The following SKAP1 variants were observed in gnomAD, a reference collection of about 807,000 sequenced individuals.
SKAP1 encodes the protein src kinase-associated phosphoprotein 1.
Under a neutral mutation model 58.5 loss-of-function variants are expected in SKAP1, and 44 were observed. The observed-to-expected ratio is 0.75, with a 90% CI of 0.59 to 0.97. The LOEUF (loss-of-function observed/expected upper bound fraction) is 0.97. SKAP1 is among the 50% of genes least tolerant of loss of function. The pLI, the probability that SKAP1 is intolerant of heterozygous loss-of-function variation, is 0.00. For missense variants in SKAP1, 390 were observed against 435.2 expected (o/e 0.90, Z 0.92); for synonymous variants, 127 against 149.7 (o/e 0.85, Z 1.11).
At chr17:48,256,066 T>A (rs1469378037) in intron 4 of SKAP1, among the ~76,000 whole-genome samples, 1 of 152,084 alleles carries the variant, frequency 6.6e-6, no homozygotes, top group East Asian at 1.9e-4. Flanking sequence ...AATAAGGTTA[T>A]AAAATAGCCA....
intron 11 of SKAP1, among the ~76,000 whole-genome samples, chr17:48,138,260 A>G (rs2063724909): frequency 6.6e-6 from 1 of 151,452 alleles, no homozygotes; most frequent in Non-Finnish European, 1.5e-5. Flanking sequence ...GCTGGAGTGC[A>G]GTGGCAAGAT....
intron 11 of SKAP1, among the ~76,000 whole-genome samples, chr17:48,158,599 A>T (rs989595925): frequency 1.5e-5 from 2 of 135,160 alleles, no homozygotes; most frequent in African/African-American, 2.6e-5. Flanking sequence ...AAAGAAAAAA[A>T]AAGATTCTCC....
chr17:48,188,354 T>C (rs1315372549), intron 5 of SKAP1, among the ~76,000 whole-genome samples: 1 of 152,206 alleles, frequency 6.6e-6, no homozygotes, highest in Non-Finnish European at 1.5e-5. Flanking sequence ...ATGCCAACTC[T>C]AGTGGTACCT....
chr17:48,146,717 C>T (rs1196221156), intron 11 of SKAP1, among the ~76,000 whole-genome samples: 1 of 151,944 alleles, frequency 6.6e-6, no homozygotes, highest in African/African-American at 2.4e-5. Flanking sequence ...CAACCTCTGC[C>T]TCCCGGGTTC....
In SKAP1 at chr17:48,296,305, A is replaced by G. The variant is rs374017740; in HGVS notation, c.280+49600T>C. Among the ~76,000 whole-genome samples the G allele has an allele frequency of 3.0e-4, 45 of 152,340 alleles. 2 individuals carry two copies. The South Asian group carries it at 9.3e-3, about 32-fold the overall frequency. On this transcript the variant is annotated intron_variant, in intron 4 of 12. Transcript: ENST00000336915. ...CTTCGGATGCTTATTAAATCTATGC[A>G]TGACTGCGCTGGAGAAAATTAATTG...
chr17:48,340,008 CT>C (rs2066628185), intron 4 of SKAP1, among the ~76,000 whole-genome samples: 2 of 152,106 alleles, frequency 1.3e-5, no homozygotes, highest in South Asian at 4.2e-4. Flanking sequence ...TGATGAAACC[CT>C]GTCTTTACTG....
At chr17:48,236,369 A>G (rs1213160775) in intron 4 of SKAP1, among the ~76,000 whole-genome samples, 2 of 152,132 alleles carry the variant, frequency 1.3e-5, no homozygotes, top group Non-Finnish European at 2.9e-5. Context: ...AGAGAGGGTA[A>G]TTGTTTCCAA....
At chr17:48,366,981 T>G (rs1386150475) in intron 2 of SKAP1, among the ~76,000 whole-genome samples, 5 of 152,182 alleles carry the variant, frequency 3.3e-5, no homozygotes, top group Non-Finnish European at 7.3e-5. Flanking sequence ...AAAGGTGCTC[T>G]AGGTAAATTG....
intron 7 of SKAP1, among the ~76,000 whole-genome samples, chr17:48,184,152 GTA>G (rs2064410930): frequency 6.6e-6 from 1 of 152,136 alleles, no homozygotes; most frequent in African/African-American, 2.4e-5. Flanking sequence ...ACTGAGCACA[GTA>G]CGGAATAAGT....
intron 10 of SKAP1, among the ~76,000 whole-genome samples, chr17:48,164,060 T>C (rs1216427536): frequency 6.6e-6 from 1 of 152,236 alleles, no homozygotes; most frequent in Non-Finnish European, 1.5e-5. Flanking sequence ...ACAGAGTTGA[T>C]AATATGTTTG....
chr17:48,380,864 TAC>T (rs1167414397), intron 2 of SKAP1, among the ~76,000 whole-genome samples: 6 of 152,232 alleles, frequency 3.9e-5, no homozygotes, highest in African/African-American at 9.6e-5. Flanking sequence ...AATTTGTGAA[TAC>T]AGTCTTTAAT....
chr17:48,284,713 A>G (rs2065808903), intron 4 of SKAP1, among the ~76,000 whole-genome samples: 1 of 152,244 alleles, frequency 6.6e-6, no homozygotes, highest in Admixed American at 6.5e-5. Context: ...GTCAACTAGC[A>G]TATATTTTAG....
At chr17:48,210,758 T>C (rs1259196758) in intron 4 of SKAP1, among the ~76,000 whole-genome samples, 1 of 152,226 alleles carries the variant, frequency 6.6e-6, no homozygotes, top group Non-Finnish European at 1.5e-5. Context: ...TGTGCTAATA[T>C]AACTCTGGCT....
chr17:48,424,537 T>C (rs1381379856), intron 1 of SKAP1, among the ~76,000 whole-genome samples: 1 of 151,706 alleles, frequency 6.6e-6, no homozygotes, highest in Non-Finnish European at 1.5e-5. Context: ...CTGGGACCTC[T>C]TTTATAAGGG....
intron 2 of SKAP1, among the ~76,000 whole-genome samples, chr17:48,376,941 G>A (rs898127728): frequency 2.6e-5 from 4 of 152,176 alleles, no homozygotes; most frequent in East Asian, 1.9e-4. Flanking sequence ...GGGGAGGGTC[G>A]GGTCACAGAG....
chr17:48,152,709 T>TA (rs1206120957), intron 11 of SKAP1, among the ~76,000 whole-genome samples: 4 of 152,208 alleles, frequency 2.6e-5, no homozygotes, highest in African/African-American at 9.6e-5. Flanking sequence ...ATTTATGTGG[T>TA]AAAAAATTAC....
At chr17:48,313,546 T>C (rs1389228702) in intron 4 of SKAP1, among the ~76,000 whole-genome samples, 2 of 152,118 alleles carry the variant, frequency 1.3e-5, no homozygotes, top group East Asian at 3.9e-4. Flanking sequence ...GACCTTCCAA[T>C]GCATTATGCA....
intron 4 of SKAP1, among the ~76,000 whole-genome samples, chr17:48,277,882 C>G (rs781014403): frequency 9.4e-4 from 143 of 152,270 alleles, no homozygotes; most frequent in Admixed American, 1.4e-3. Context: ...GCTTGGGCAT[C>G]ACTGTGCCTG....
intron 2 of SKAP1, among the ~76,000 whole-genome samples, chr17:48,369,584 G>C (rs1403860199): frequency 6.6e-6 from 1 of 152,074 alleles, no homozygotes; most frequent in East Asian, 1.9e-4. Flanking sequence ...ATCTTGATAA[G>C]CAGCAGTCAC....
Sources: gnomAD v4.1 joint callset for allele counts (sites outside exome capture counted in the v4.1 genomes callset) on GRCh38, gnomAD v4.1.1 for gene constraint, MANE v1.5 for transcripts, NCBI Gene and HGNC (gene_info 2026-07-23, HGNC 2026-07-21) for gene names.